Variants in SENP8 observed in about 807,000 individuals in gnomAD.
SENP8 encodes SUMO peptidase family member, NEDD8 specific.
SENP8 carries 10 observed loss-of-function variants against 14.4 expected under a neutral mutation model. The observed-to-expected ratio is 0.69, with a 90% CI of 0.43 to 1.18. The LOEUF (loss-of-function observed/expected upper bound fraction) is 1.18. Ranked by LOEUF, SENP8 falls within the 50% of genes most tolerant of loss-of-function variation. The probability of loss-of-function intolerance (pLI) is 0.00; values close to 1 mark genes in which losing one functional copy is unlikely to be tolerated. For missense variants in SENP8, 202 were observed against 249.4 expected, an observed-to-expected ratio of 0.81 and a Z score of 1.28; for synonymous variants, 94 against 95.5, an observed-to-expected ratio of 0.98 and a Z score of 0.09.
At chr15:72,116,513 GAAGC>G (rs2080984518), upstream of SENP8, among the ~76,000 whole-genome samples, 1 of 152,146 alleles carries the variant, frequency 6.6e-6, no homozygotes, top group African/African-American at 2.4e-5. Flanking sequence ...GCTTCTTGGA[GAAGC>G]AAGACAGCAG....
upstream of SENP8, chr15:72,117,278 G>C (rs1048510125): frequency 6.6e-6 from 1 of 152,476 alleles, no homozygotes; most frequent in Non-Finnish European, 1.5e-5. Flanking sequence ...GTAGGGCGAG[G>C]GGCACATGGG....
chr15:72,133,564 T>A (rs1326567520), intron 1 of SENP8, among the ~76,000 whole-genome samples: 3 of 152,236 alleles, frequency 2.0e-5, no homozygotes, highest in Non-Finnish European at 4.4e-5. Context: ...CTTTTCATCC[T>A]GTTAGCCAGG....
chr15:72,120,328 A>G (rs117828902), intron 1 of SENP8, among the ~76,000 whole-genome samples: 6 of 152,344 alleles, frequency 3.9e-5, no homozygotes, highest in South Asian at 2.1e-4. Context: ...GCTGCTATCT[A>G]TTAACTAGGG....
At chr15:72,136,725 G>T (rs913756756) in intron 1 of SENP8, among the ~76,000 whole-genome samples, 2 of 152,160 alleles carry the variant, frequency 1.3e-5, no homozygotes, top group African/African-American at 4.8e-5. Context: ...GGTCAGAATT[G>T]ATTAAATTGA....
At chr15:72,130,557 A>ATTTTTTTTTTTTTTT in intron 1 of SENP8, among the ~76,000 whole-genome samples, 1 of 106,164 alleles carries the variant, frequency 9.4e-6, no homozygotes, top group Non-Finnish European at 1.8e-5. Flanking sequence ...ATGTTTTAGG[A>ATTTTTTTTTTTTTTT]TTTTTTTTTT....
intron 1 of SENP8, chr15:72,139,250 A>C (rs1348842432): frequency 1.1e-5 from 2 of 175,016 alleles, no homozygotes; most frequent in Non-Finnish European, 2.4e-5. Context: ...TCTTACGAAA[A>C]AGTAAGCTAG....
At chr15:72,126,350 A>G (rs1006114753) in intron 1 of SENP8, among the ~76,000 whole-genome samples, 1 of 152,170 alleles carries the variant, frequency 6.6e-6, no homozygotes, top group Non-Finnish European at 1.5e-5. Context: ...CGGGCCAGGC[A>G]CAGTGGCTGA....
chr15:72,138,738 G>A (rs1176407027), intron 1 of SENP8, among the ~76,000 whole-genome samples: 2 of 151,098 alleles, frequency 1.3e-5, no homozygotes, highest in East Asian at 2.0e-4. Context: ...TGAGGCGGGC[G>A]GATCACAAGG....
chr15:72,132,653 CTTTTTTTTTTT>C (rs975388130), intron 1 of SENP8, among the ~76,000 whole-genome samples: 1 of 125,128 alleles, frequency 8.0e-6, no homozygotes, highest in African/African-American at 2.9e-5. Context: ...TTTCATAATT[CTTTTTTTTTTT>C]TTTTTTTTTT....
Position 72,142,340 on chromosome 15 carries a change from G to A in SENP8, c.*2078G>A, listed in dbSNP as rs1286783105. On this transcript the variant is annotated 3_prime_UTR_variant, in exon 2 of 2. Coordinates refer to ENST00000340912, the MANE Select transcript of SENP8 (RefSeq NM_145204.4). ...TTTAAGAATTGACTTGTATTTCACT[G>A]GATACTATAGTACCCGGTAAGTTAC... The A allele has an allele frequency of 6.6e-6, 1 of 152,074 alleles. No individual in the cohort carries two copies. The highest frequency in any genetic ancestry group is 2.4e-5 in the African/African-American group (1 of 41,400). The allele number at this position is 152,074 out of a possible 1,614,324, so 9.4% of individuals were successfully genotyped here.
intron 1 of SENP8, among the ~76,000 whole-genome samples, chr15:72,121,140 T>G (rs981533623): frequency 1.3e-5 from 2 of 152,212 alleles, no homozygotes; most frequent in African/African-American, 2.4e-5. Flanking sequence ...TCCCACTGTT[T>G]CCTAATAACC....
chr15:72,139,965 CT>C lies in SENP8; in HGVS notation c.348del (p.His117IlefsTer16), dbSNP rs757541939. On this transcript the variant is annotated frameshift_variant, in exon 2 of 2. Coordinates refer to ENST00000340912, the MANE Select transcript of SENP8 (RefSeq NM_145204.4). LOFTEE classifies it high-confidence loss of function. ...LLVYLQDKNS[F>X]FHYDSHSRSN... ...TGGTCTACCTCCAAGATAAAAATAG[CT>C]TTTTTCATTATGATTCCCATAGCAG... 3 of 1,614,168 alleles carry C rather than the reference CT, an allele frequency of 1.9e-6. No homozygotes were observed. The highest frequency in any genetic ancestry group is 3.3e-5 in the Admixed American group (2 of 60,016).
chr15:72,143,662 C>T lies in SENP8; in HGVS notation c.*3400C>T, dbSNP rs1250563415. ...ATGTTTCAACAGGTACTGTTATTCT[C>T]ATTTTATAAATAAACTCAGAAGCTC... On this transcript the variant is annotated 3_prime_UTR_variant, in exon 2 of 2. Coordinates refer to ENST00000340912, the MANE Select transcript of SENP8 (RefSeq NM_145204.4). 3.9e-5 allele frequency: 6 copies of T among 152,142 alleles called. No homozygotes were observed. The highest frequency in any genetic ancestry group is 2.9e-5 in the Non-Finnish European group (2 of 68,022). 9.4% of individuals were successfully genotyped at this position (152,142 alleles called of 1,614,324 possible).
At chr15:72,137,032 G>C (rs994091755) in intron 1 of SENP8, among the ~76,000 whole-genome samples, 3 of 152,128 alleles carry the variant, frequency 2.0e-5, no homozygotes, top group African/African-American at 4.8e-5. Flanking sequence ...ATTTAGACAA[G>C]ATAATGTGAA....
intron 1 of SENP8, among the ~76,000 whole-genome samples, chr15:72,119,136 C>T (rs954326875): frequency 8.5e-5 from 13 of 152,114 alleles, no homozygotes; most frequent in South Asian, 2.1e-4. Flanking sequence ...ATATGGCCCT[C>T]AGGAATGTTT....
At chr15:72,126,992 C>T (rs897015298) in intron 1 of SENP8, among the ~76,000 whole-genome samples, 1 of 152,196 alleles carries the variant, frequency 6.6e-6, no homozygotes, top group African/African-American at 2.4e-5. Context: ...ATAGTAAAGG[C>T]GCTTTCACTT....
intron 1 of SENP8, among the ~76,000 whole-genome samples, chr15:72,137,764 A>C (rs1171691996): frequency 6.6e-6 from 1 of 152,154 alleles, no homozygotes; most frequent in Non-Finnish European, 1.5e-5. Context: ...CGAGGTCAGG[A>C]GATCGAGACC....
At chr15:72,126,679 G>A (rs1420004751) in intron 1 of SENP8, among the ~76,000 whole-genome samples, 3 of 152,276 alleles carry the variant, frequency 2.0e-5, no homozygotes, top group Non-Finnish European at 4.4e-5. Context: ...ACTGCTATGG[G>A]AACATAATGT....
chr15:72,140,676 A>AT lies in SENP8; in HGVS notation c.*414_*415insT, dbSNP rs201775069. The AT allele has an allele frequency of 8.1e-3, 1,431 of 176,852 alleles. 10 individuals are homozygous for AT. The highest frequency in any genetic ancestry group is 0.013 in the Middle Eastern group (4 of 312). The allele number at this position is 176,852 out of a possible 1,614,324, so 11.0% of individuals were successfully genotyped here. On this transcript the variant is annotated 3_prime_UTR_variant, in exon 2 of 2. Coordinates refer to ENST00000340912, the MANE Select transcript of SENP8 (RefSeq NM_145204.4). The stretch of plus-strand genomic sequence containing the variant: ...AGAGGAATGCAGAGAAGAAAACTAT[A>AT]AAACAGAACCAAAAACTTGTTGCAC...
Sources: allele counts gnomAD v4.1 joint callset (sites outside exome capture counted in the v4.1 genomes callset), GRCh38; gene constraint gnomAD v4.1.1; transcripts MANE v1.5; gene names NCBI Gene and HGNC (gene_info 2026-07-23, HGNC 2026-07-21).